Variants in BBS9 observed in about 807,000 individuals in gnomAD.
BBS9 encodes Bardet-Biedl syndrome 9.
Under a neutral mutation model 117.7 loss-of-function variants are expected in BBS9, and 89 were observed. That is an observed-to-expected ratio of 0.76 (90% confidence interval 0.64 to 0.90). The LOEUF is 0.90. Ranked by LOEUF, BBS9 falls within the 40% of genes least tolerant of loss-of-function variation. The probability of loss-of-function intolerance (pLI) is 0.00; values close to 1 mark genes in which losing one functional copy is unlikely to be tolerated. For missense variants in BBS9, 982 were observed against 1,042.2 expected (o/e 0.94, Z 0.80); for synonymous variants, 379 against 370.9 (o/e 1.02, Z -0.25).
At chr7:33,238,625 C>T (rs746241238) in intron 5 of BBS9, among the ~76,000 whole-genome samples, 3 of 151,926 alleles carry the variant, frequency 2.0e-5, no homozygotes, top group Non-Finnish European at 4.4e-5. Flanking sequence ...GTAACATGCT[C>T]ATTGTAGAAA....
At chr7:33,199,555 T>A (rs1785493625) in intron 5 of BBS9, among the ~76,000 whole-genome samples, 1 of 151,826 alleles carries the variant, frequency 6.6e-6, no homozygotes, top group African/African-American at 2.4e-5. Flanking sequence ...AGTGTAGAAG[T>A]CAGTCCTCAA....
At chr7:33,140,802 A>G (rs186804826) in intron 1 of BBS9, among the ~76,000 whole-genome samples, 2 of 152,336 alleles carry the variant, frequency 1.3e-5, no homozygotes, top group Admixed American at 1.3e-4. Context: ...AAATGGTGCA[A>G]ATATTTTTCA....
chr7:33,326,406 C>T (rs1184362073), intron 9 of BBS9, among the ~76,000 whole-genome samples: 1 of 151,954 alleles, frequency 6.6e-6, no homozygotes, highest in Admixed American at 6.5e-5. Flanking sequence ...AGGGCAGGTC[C>T]TAAAATGCTT....
chr7:33,208,877 A>G (rs1462089275), intron 5 of BBS9, among the ~76,000 whole-genome samples: 4 of 152,094 alleles, frequency 2.6e-5, no homozygotes, highest in Non-Finnish European at 5.9e-5. Flanking sequence ...ATTTTGATAT[A>G]TGCATACAAT....
chr7:33,593,037 G>A (rs1021627093), intron 21 of BBS9, among the ~76,000 whole-genome samples: 6 of 152,064 alleles, frequency 3.9e-5, no homozygotes, highest in Admixed American at 2.0e-4. Flanking sequence ...AGTTAGAAAA[G>A]GAAAGTATTT....
intron 6 of BBS9, among the ~76,000 whole-genome samples, chr7:33,262,909 G>A (rs187894115): frequency 4.6e-5 from 7 of 151,980 alleles, no homozygotes; most frequent in Admixed American, 3.9e-4. Context: ...TTGGTACTAC[G>A]TGCATACCTT....
At chr7:33,183,729 C>CT (rs1798405770) in intron 5 of BBS9, among the ~76,000 whole-genome samples, 1 of 152,170 alleles carries the variant, frequency 6.6e-6, no homozygotes, top group Non-Finnish European at 1.5e-5. Context: ...CTCCAGATGG[C>CT]TGAGAACAAG....
At chr7:33,591,704 G>A (rs1040492210) in intron 21 of BBS9, among the ~76,000 whole-genome samples, 3 of 151,928 alleles carry the variant, frequency 2.0e-5, no homozygotes. Flanking sequence ...TGGCCATTAC[G>A]ATTTCCCATG....
intron 19 of BBS9, among the ~76,000 whole-genome samples, chr7:33,501,113 C>G (rs62451225): frequency 1.3e-5 from 2 of 152,094 alleles, no homozygotes; most frequent in Admixed American, 6.5e-5. Context: ...AAAAATCGCT[C>G]TCCCTCAAAT....
chr7:33,348,453 C>A (rs1584438339), intron 12 of BBS9, among the ~76,000 whole-genome samples: 1 of 152,078 alleles, frequency 6.6e-6, no homozygotes, highest in East Asian at 1.9e-4. Context: ...ATGAATATGT[C>A]ACATTTTGTT....
intron 21 of BBS9, among the ~76,000 whole-genome samples, chr7:33,600,800 T>C (rs758371084): frequency 3.3e-5 from 5 of 152,140 alleles, no homozygotes; most frequent in Non-Finnish European, 7.3e-5. Flanking sequence ...GTCCCATGCC[T>C]CCATCTCTGG....
At chr7:33,307,291 T>C (rs1808222766) in intron 9 of BBS9, among the ~76,000 whole-genome samples, 1 of 152,192 alleles carries the variant, frequency 6.6e-6, no homozygotes. Flanking sequence ...GTAATAGTGG[T>C]AGCAGAAGTA....
chr7:33,259,890 GT>G (rs199591950), intron 6 of BBS9, among the ~76,000 whole-genome samples: 2,320 of 129,776 alleles, frequency 0.018, 36 homozygotes, highest in Middle Eastern at 0.062. Context: ...TTGGATTTCC[GT>G]TTTTTTTTTT....
chr7:33,282,499 G>A (rs1488588736), intron 9 of BBS9, among the ~76,000 whole-genome samples: 9 of 152,076 alleles, frequency 5.9e-5, no homozygotes, highest in Admixed American at 5.2e-4. Context: ...AGCCTCCTGA[G>A]TATGTGGGAT....
chr7:33,486,806 G>A (rs187263976), intron 19 of BBS9, among the ~76,000 whole-genome samples: 2 of 152,200 alleles, frequency 1.3e-5, no homozygotes, highest in Non-Finnish European at 2.9e-5. Flanking sequence ...TAGCCATTCA[G>A]GTGAAAAGGG....
intron 19 of BBS9, among the ~76,000 whole-genome samples, chr7:33,417,044 C>G (rs1832122424): frequency 6.6e-6 from 1 of 152,108 alleles, no homozygotes. Flanking sequence ...AAGTAGTTTC[C>G]AGTCTAGTTA....
At chr7:33,513,771 T>A (rs1331652577) in intron 20 of BBS9, among the ~76,000 whole-genome samples, 2 of 152,212 alleles carry the variant, frequency 1.3e-5, no homozygotes, top group African/African-American at 4.8e-5. Context: ...AAATTTCCAA[T>A]CTTACCAGTG....
chr7:33,519,866 A>G (rs59792487), intron 20 of BBS9, among the ~76,000 whole-genome samples: 9,481 of 152,206 alleles, frequency 0.062, 506 homozygotes, highest in African/African-American at 0.15. Context: ...TACAGCTCCC[A>G]CTTTTAATAA....
At chr7:33,486,179 C>G (rs191183625) in intron 19 of BBS9, among the ~76,000 whole-genome samples, 1 of 152,184 alleles carries the variant, frequency 6.6e-6, no homozygotes, top group East Asian at 1.9e-4. Context: ...TCAGTCTAAA[C>G]AATCCAGGCT....
Sources: allele counts gnomAD v4.1 joint callset (sites outside exome capture counted in the v4.1 genomes callset), GRCh38; gene constraint gnomAD v4.1.1; transcripts MANE v1.5; gene names NCBI Gene and HGNC (gene_info 2026-07-23, HGNC 2026-07-21).